The following ADCK1 variants were observed in gnomAD, a reference collection of about 807,000 sequenced individuals.
ADCK1 encodes aarF domain containing kinase 1, also known as aarF domain-containing protein kinase 1.
In ADCK1, 41 loss-of-function variants were observed where a neutral mutation model predicts 52.3. The observed-to-expected ratio is 0.78, with a 90% CI of 0.61 to 1.02. ADCK1 has a LOEUF of 1.02. Ranked by LOEUF, ADCK1 falls within the 50% of genes least tolerant of loss-of-function variation. ADCK1 has a pLI of 0.00. For synonymous variants in ADCK1, 250 were observed against 274.6 expected (o/e 0.91, Z 0.89); for missense variants, 658 against 679.5 (o/e 0.97, Z 0.35).
Position 77,887,188 on chromosome 14 carries a change from C to T in ADCK1, c.521C>T (p.Ala174Val). ...KAVLHDGRTV[A>V]VKVQHPKVRA... The stretch of plus-strand genomic sequence containing the variant: ...GTGCTGCATGATGGGCGGACGGTGG[C>T]CGTGAAGGTCCAGCACCCAAAGGTG... The change falls in exon 5 of 11, where the codon GCC (alanine) becomes GTC (valine). Residue 174 changes from alanine to valine, a missense_variant. Ala to Val is a moderately conservative substitution (Grantham distance 64). Transcript: ENST00000238561. The T allele has an allele frequency of 6.2e-7, 1 of 1,610,526 alleles. No individual in the cohort carries two copies. Among genetic ancestry groups the T allele is most frequent in the East Asian group, 2.2e-5 (1 of 44,506 alleles).
At chr14:77,872,569 G>A (rs1164607695) in intron 4 of ADCK1, among the ~76,000 whole-genome samples, 1 of 152,030 alleles carries the variant, frequency 6.6e-6, no homozygotes, top group Non-Finnish European at 1.5e-5. Flanking sequence ...GCTCTCAGAT[G>A]GGGGGCTGGC....
intron 7 of ADCK1, 82 bp from the exon 8 acceptor site, chr14:77,924,375 G>A: frequency 1.3e-6 from 2 of 1,550,576 alleles, no homozygotes; most frequent in Non-Finnish European, 1.7e-6. Flanking sequence ...CCTTAAAAGT[G>A]ACCACATTGA....
Position 77,854,738 on chromosome 14 carries a change from T to G in ADCK1, c.220-4338T>G, listed in dbSNP as rs571082723. 3.3e-5 allele frequency among the ~76,000 whole-genome samples: 5 copies of G among 152,218 alleles called. No homozygotes were observed. In the South Asian group the frequency reaches 8.3e-4, roughly 25 times the overall value. ...TGCCCAGCTAATTTTTTTATATTTT[T>G]AGTAGAGGCGGGGTTTCACCATGTT... is the stretch of plus-strand genomic sequence containing the variant. On this transcript the variant is annotated intron_variant, in intron 3 of 10. Transcript: ENST00000238561.
intron 5 of ADCK1, among the ~76,000 whole-genome samples, chr14:77,887,761 A>T (rs1469379496): frequency 1.3e-5 from 2 of 152,190 alleles, no homozygotes; most frequent in Non-Finnish European, 2.9e-5. Context: ...GAACGGTCCT[A>T]GGAAAAACCC....
chr14:77,849,226 C>T (rs949167934), intron 3 of ADCK1, among the ~76,000 whole-genome samples: 2 of 152,128 alleles, frequency 1.3e-5, no homozygotes, highest in Non-Finnish European at 2.9e-5. Flanking sequence ...AGGCATATGC[C>T]ACCACACCCA....
At chr14:77,906,439 G>T (rs920478479) in intron 6 of ADCK1, among the ~76,000 whole-genome samples, 2 of 152,166 alleles carry the variant, frequency 1.3e-5, no homozygotes, top group African/African-American at 4.8e-5. Context: ...TCTCTTGCCC[G>T]CTCCTGGAGA....
At chr14:77,873,923 G>C (rs1404231838) in intron 4 of ADCK1, among the ~76,000 whole-genome samples, 1 of 152,214 alleles carries the variant, frequency 6.6e-6, no homozygotes, top group African/African-American at 2.4e-5. Context: ...GCTACCATTA[G>C]GATGGAAGGT....
rs2083709744 is a variant in ADCK1, at chr14:77,908,115, C to A, written c.858+196C>A. ...ATTTAGGCCAGCCCTGTGCACACAG[C>A]GGCCTGCAGGGACATGCTGAACCCC... On this transcript the variant is annotated intron_variant, in intron 7 of 10. Coordinates refer to ENST00000238561, the MANE Select transcript of ADCK1 (RefSeq NM_020421.4). 3.7e-5 allele frequency: 18 copies of A among 488,116 alleles called. No individual in the cohort carries two copies. The East Asian group carries it at 6.5e-4, about 18-fold the overall frequency. 30.2% of individuals were successfully genotyped at this position (488,116 alleles called of 1,614,324 possible).
Position 77,925,801 on chromosome 14 carries a change from T to C in ADCK1, c.1046T>C (p.Leu349Pro), listed in dbSNP as rs780772843. 3 of 1,614,198 alleles carry C rather than the reference T, an allele frequency of 1.9e-6. No homozygotes were observed. The highest frequency in any genetic ancestry group is 2.5e-6 in the Non-Finnish European group (3 of 1,180,006). ...GAATTCCGCCTGAATTACTGCCACC[T>C]CTGGCAGTCTCTGATCTGGACTGAC... The part of the protein sequence containing the change: ...TEEFRLNYCH[L>P]WQSLIWTDMK... The change falls in exon 9 of 11, where the codon CTC becomes CCC. Residue 349 changes from leucine to proline, a missense_variant. Transcript: ENST00000238561.
intron 1 of ADCK1, among the ~76,000 whole-genome samples, chr14:77,800,711 T>C (rs2081091361): frequency 1.3e-5 from 2 of 152,262 alleles, no homozygotes; most frequent in South Asian, 4.1e-4. Flanking sequence ...ACAGTAGATA[T>C]GTGCTAACAG....
Position 77,924,879 on chromosome 14 carries a change from A to G in ADCK1, c.1008+273A>G, listed in dbSNP as rs145332909. 5.5e-3 allele frequency among the ~76,000 whole-genome samples: 839 copies of G among 152,318 alleles called. 3 individuals are homozygous for G. The highest frequency in any genetic ancestry group is 0.017 in the Middle Eastern group (5 of 294). ...CTTGTATGTTAGATTATACTTTCCC[A>G]TGGAGCCCCAGGCCAGCAAGGATCC... On this transcript the variant is annotated intron_variant, in intron 8 of 10. Coordinates refer to ENST00000238561, the MANE Select transcript of ADCK1 (RefSeq NM_020421.4).
intron 7 of ADCK1, among the ~76,000 whole-genome samples, chr14:77,921,276 G>A (rs1404724825): frequency 5.5e-5 from 7 of 126,690 alleles, no homozygotes; most frequent in Non-Finnish European, 1.1e-4. Flanking sequence ...GCAGTGAGCC[G>A]AGATCGGGCC....
At chr14:77,907,965 G>C in intron 7 of ADCK1, 46 bp downstream of exon 7, 1 of 1,555,514 alleles carries the variant, frequency 6.4e-7, no homozygotes, top group Non-Finnish European at 8.8e-7. Context: ...ACGTGGGCTT[G>C]GTCAAGGCTG....
In ADCK1 at chr14:77,909,119, G is replaced by T. The variant is rs868745519; in HGVS notation, c.858+1200G>T. ...AAGGAAGTGGGCCACGCCCAGTGGA[G>T]GTAAATGCTTTTTTTTTTTTTTTTT... On this transcript the variant is annotated intron_variant, in intron 7 of 10. Coordinates refer to ENST00000238561, the MANE Select transcript of ADCK1 (RefSeq NM_020421.4). 8.0e-5 allele frequency among the ~76,000 whole-genome samples: 12 copies of T among 149,840 alleles called. No homozygotes were observed. The South Asian group carries it at 8.5e-4, about 11-fold the overall frequency.
chr14:77,822,067 C>G (rs1244864016), intron 2 of ADCK1, among the ~76,000 whole-genome samples: 1 of 152,064 alleles, frequency 6.6e-6, no homozygotes, highest in African/African-American at 2.4e-5. Context: ...AAGTGATGGA[C>G]AGGAAGGACA....
chr14:77,907,838 G>T lies in ADCK1; in HGVS notation c.777G>T (p.Arg259=), dbSNP rs1473575420. The change falls in exon 7 of 11, where the codon CGG becomes CGT. Residue 259 remains arginine, a synonymous_variant. Transcript: ENST00000238561. ...TCCACTGGGACCTGTCCACGGAGCG[G>T]GTCCTCCTGATGGAGTTTGTGGATG... ...PRIHWDLSTE[R]VLLMEFVDGG... The T allele has an allele frequency of 6.2e-7, 1 of 1,614,086 alleles. No homozygotes were observed. The highest frequency in any genetic ancestry group is 1.7e-5 in the Admixed American group (1 of 60,018).
At chr14:77,819,938 G>A (rs2081544701) in intron 2 of ADCK1, among the ~76,000 whole-genome samples, 1 of 152,190 alleles carries the variant, frequency 6.6e-6, no homozygotes, top group Non-Finnish European at 1.5e-5. Flanking sequence ...GGCTCACAGG[G>A]GAGGGCACTG....
intron 5 of ADCK1, among the ~76,000 whole-genome samples, chr14:77,895,732 C>A (rs982630295): frequency 7.9e-5 from 12 of 152,276 alleles, no homozygotes; most frequent in Non-Finnish European, 1.5e-4. Context: ...ATGGCAGCAG[C>A]CCGAACTACT....
chr14:77,898,057 A>G (rs923907730), intron 5 of ADCK1, among the ~76,000 whole-genome samples: 25 of 152,336 alleles, frequency 1.6e-4, no homozygotes, highest in Admixed American at 2.6e-4. Flanking sequence ...CAGGAGCTTG[A>G]GACCAACCTG....
Sources: allele counts gnomAD v4.1 joint callset (sites outside exome capture counted in the v4.1 genomes callset), GRCh38; gene constraint gnomAD v4.1.1; transcripts MANE v1.5; gene names NCBI Gene and HGNC (gene_info 2026-07-23, HGNC 2026-07-21).